The following ASIC2 variants were observed in gnomAD, a reference collection of about 807,000 sequenced individuals.
The protein encoded by ASIC2 is acid sensing ion channel subunit 2.
A neutral mutation model predicts 57.3 loss-of-function variants in ASIC2; 25 were observed. The observed-to-expected ratio is 0.44, with a 90% confidence interval of 0.32 to 0.61. ASIC2 has a LOEUF of 0.61. ASIC2 is among the 20% of genes least tolerant of loss of function. ASIC2 has a pLI of 0.06. For missense variants in ASIC2, 641 were observed against 738.1 expected (o/e 0.87, Z 1.52); for synonymous variants, 319 against 307.5 (o/e 1.04, Z -0.39).
chr17:33,151,097 C>A (rs776562294), intron 1 of ASIC2, among the ~76,000 whole-genome samples: 11 of 150,644 alleles, frequency 7.3e-5, no homozygotes, highest in African/African-American at 2.7e-4. Context: ...GGGAGGCTGA[C>A]GGATGGATCA....
intron 1 of ASIC2, among the ~76,000 whole-genome samples, chr17:33,394,140 A>G (rs577119900): frequency 1.3e-5 from 2 of 152,344 alleles, no homozygotes; most frequent in Admixed American, 6.5e-5. Context: ...CCTAGTCTCT[A>G]TGGAGTTTGC....
chr17:33,958,886 C>T (rs996035648), intron 1 of ASIC2, among the ~76,000 whole-genome samples: 2 of 152,178 alleles, frequency 1.3e-5, no homozygotes, highest in African/African-American at 2.4e-5. Flanking sequence ...ACTCTGTCAC[C>T]TCTCCAGTGC....
chr17:33,440,494 G>C (rs563915378), intron 1 of ASIC2, among the ~76,000 whole-genome samples: 1 of 152,116 alleles, frequency 6.6e-6, no homozygotes, highest in African/African-American at 2.4e-5. Context: ...GAAATTGCTG[G>C]GTCACATGGT....
intron 1 of ASIC2, among the ~76,000 whole-genome samples, chr17:33,252,244 T>C (rs1296153394): frequency 6.6e-6 from 1 of 152,266 alleles, no homozygotes; most frequent in Non-Finnish European, 1.5e-5. Flanking sequence ...AGCTTTTTCA[T>C]TTATTAGGCG....
intron 1 of ASIC2, among the ~76,000 whole-genome samples, chr17:33,571,169 T>C (rs1424116127): frequency 6.6e-6 from 1 of 152,154 alleles, no homozygotes; most frequent in Non-Finnish European, 1.5e-5. Context: ...TATAACACCC[T>C]GGGCTATGAC....
chr17:33,746,193 T>C lies in ASIC2; in HGVS notation c.555+409785A>G, dbSNP rs1483213736. Among the ~76,000 whole-genome samples, 6 of 151,340 alleles carry C rather than the reference T, an allele frequency of 4.0e-5. No homozygotes were observed. In the East Asian group the frequency reaches 1.2e-3, roughly 29 times the overall value. ...ACAAATGATAAATTAAAGGTAAATA[T>C]AACAAATTCTATAAATGTATACATG... is the stretch of plus-strand genomic sequence containing the variant. On this transcript the variant is annotated intron_variant, in intron 1 of 9. Transcript: ENST00000359872.
intron 1 of ASIC2, among the ~76,000 whole-genome samples, chr17:33,847,800 G>C (rs1017071423): frequency 2.0e-5 from 3 of 152,222 alleles, no homozygotes; most frequent in African/African-American, 7.2e-5. Context: ...GCCAATGGGA[G>C]CCCAGTGGAG....
intron 1 of ASIC2, among the ~76,000 whole-genome samples, chr17:34,020,115 G>A (rs1032186834): frequency 3.9e-5 from 6 of 152,204 alleles, no homozygotes; most frequent in Admixed American, 3.3e-4. Flanking sequence ...CAAAAAAATT[G>A]TGGCTACATT....
chr17:34,125,215 G>A (rs1273250844), intron 1 of ASIC2, among the ~76,000 whole-genome samples: 2 of 151,646 alleles, frequency 1.3e-5, no homozygotes, highest in South Asian at 2.1e-4. Context: ...TCTGCCCCCC[G>A]CTTCACAGGC....
At chr17:33,851,636 ATAC>A (rs1421305435) in intron 1 of ASIC2, among the ~76,000 whole-genome samples, 8 of 152,210 alleles carry the variant, frequency 5.3e-5, no homozygotes, top group African/African-American at 1.7e-4. Flanking sequence ...AGCACTCTTG[ATAC>A]TTTGTTGTTG....
At chr17:33,987,401 T>C (rs1188413204) in intron 1 of ASIC2, among the ~76,000 whole-genome samples, 1 of 152,166 alleles carries the variant, frequency 6.6e-6, no homozygotes, top group Non-Finnish European at 1.5e-5. Flanking sequence ...TTTACAGACT[T>C]CTGTTTGCAA....
intron 1 of ASIC2, among the ~76,000 whole-genome samples, chr17:33,153,777 G>A (rs573707713): frequency 1.2e-4 from 18 of 152,162 alleles, no homozygotes; most frequent in East Asian, 7.7e-4. Context: ...TTAGGCTAGA[G>A]AGAGGAGCTC....
At chr17:33,948,976 CCA>C (rs1904472197) in intron 1 of ASIC2, among the ~76,000 whole-genome samples, 1 of 152,150 alleles carries the variant, frequency 6.6e-6, no homozygotes, top group African/African-American at 2.4e-5. Flanking sequence ...ATGAAAGCAG[CCA>C]CAGATGATTT....
intron 1 of ASIC2, among the ~76,000 whole-genome samples, chr17:33,320,402 G>A (rs181276367): frequency 9.7e-4 from 147 of 152,198 alleles, no homozygotes; most frequent in Middle Eastern, 3.4e-3. Flanking sequence ...TCACTCTTAC[G>A]GAAGGAGTTA....
intron 1 of ASIC2, among the ~76,000 whole-genome samples, chr17:33,865,759 T>C (rs79716085): frequency 0.31 from 38,410 of 122,038 alleles, 5,295 homozygotes; most frequent in African/African-American, 0.35. Flanking sequence ...AAAAAAAAAA[T>C]AAAAAAAAAA....
chr17:33,299,318 G>A (rs1905852821), intron 1 of ASIC2, among the ~76,000 whole-genome samples: 1 of 152,212 alleles, frequency 6.6e-6, no homozygotes, highest in Admixed American at 6.5e-5. Flanking sequence ...GGCCCTAGAG[G>A]TGGCCAGTGT....
At chr17:33,520,129 C>G (rs1479179962) in intron 1 of ASIC2, among the ~76,000 whole-genome samples, 1 of 152,180 alleles carries the variant, frequency 6.6e-6, no homozygotes, top group African/African-American at 2.4e-5. Flanking sequence ...TGTGGCCCCT[C>G]CCCAGGGGCC....
intron 1 of ASIC2, among the ~76,000 whole-genome samples, chr17:33,304,429 A>G (rs1241640756): frequency 6.6e-6 from 1 of 152,224 alleles, no homozygotes; most frequent in Non-Finnish European, 1.5e-5. Context: ...TGGAATTAGA[A>G]GACTTTTCTG....
chr17:33,442,738 T>TC (rs895095282), intron 1 of ASIC2, among the ~76,000 whole-genome samples: 16 of 152,194 alleles, frequency 1.1e-4, no homozygotes, highest in Non-Finnish European at 1.8e-4. Flanking sequence ...AGTTTTTTTT[T>TC]CTCTGTGTTT....
Sources: allele counts gnomAD v4.1 joint callset (sites outside exome capture counted in the v4.1 genomes callset), GRCh38; gene constraint gnomAD v4.1.1; transcripts MANE v1.5; gene names NCBI Gene and HGNC (gene_info 2026-07-23, HGNC 2026-07-21).